Variants in SLC52A3 observed in about 807,000 individuals in gnomAD.
The protein encoded by SLC52A3 is solute carrier family 52 member 3.
SLC52A3 carries 20 observed loss-of-function variants against 29.5 expected under a neutral mutation model. That is an observed-to-expected ratio of 0.68 (90% CI 0.48 to 0.99). SLC52A3 has a LOEUF of 0.99. Among genes scored for constraint, SLC52A3 ranks in the 50% least tolerant of loss-of-function variants. SLC52A3 has a pLI of 0.00. For synonymous variants in SLC52A3, 301 were observed against 271.0 expected, an observed-to-expected ratio of 1.11 and a Z score of -1.09; for missense variants, 548 against 612.9, an observed-to-expected ratio of 0.89 and a Z score of 1.12.
intron 1 of SLC52A3, among the ~76,000 whole-genome samples, chr20:773,688 G>A (rs1250533337): frequency 6.6e-6 from 1 of 152,200 alleles, no homozygotes; most frequent in East Asian, 1.9e-4. Flanking sequence ...AGAAACCTAA[G>A]GCTTCGCATG....
upstream of SLC52A3, among the ~76,000 whole-genome samples, chr20:779,100 T>A (rs1987144781): frequency 6.6e-6 from 1 of 152,312 alleles, no homozygotes; most frequent in African/African-American, 2.4e-5. Flanking sequence ...TCTACAGACG[T>A]GAAGGAAGTT....
chr20:761,707 G>A lies in SLC52A3; in HGVS notation c.1191C>T (p.Val397=). The A allele has an allele frequency of 1.2e-6, 2 of 1,613,842 alleles. No homozygotes were observed. The highest frequency in any genetic ancestry group is 1.7e-6 in the Non-Finnish European group (2 of 1,179,970). ...CCACCGGCCGGATACTCACAATGAG[G>A]ACTTCCCCACCCCAGTGGCCCTGCA... ...PLLQGHWGGE[V]LIVASWVLFS... Residue 397 remains valine (V), a synonymous_variant, in exon 4 of 5, where the codon GTC becomes GTT. Coordinates refer to ENST00000645534, the MANE Select transcript of SLC52A3 (RefSeq NM_033409.4).
At chr20:773,092 G>A (rs1047086674), upstream of SLC52A3, among the ~76,000 whole-genome samples, 21 of 152,340 alleles carry the variant, frequency 1.4e-4, no homozygotes, top group African/African-American at 4.3e-4. Context: ...AGCTCCGTGA[G>A]TGGGCAGAAG....
chr20:777,292 G>T (rs1345018472), upstream of SLC52A3, among the ~76,000 whole-genome samples: 1 of 151,784 alleles, frequency 6.6e-6, no homozygotes, highest in Non-Finnish European at 1.5e-5. Context: ...ACACCAACTG[G>T]AAAGATATCT....
chr20:765,702 C>T lies in SLC52A3; in HGVS notation c.73G>A (p.Val25Ile), dbSNP rs757476310. 1 of 1,613,710 alleles carries T rather than the reference C, an allele frequency of 6.2e-7. No homozygotes were observed. Among genetic ancestry groups the T allele is most frequent in the South Asian group, 1.1e-5 (1 of 90,944 alleles). Residue 25 changes from valine (V) to isoleucine (I), a missense_variant, in exon 2 of 5, where the codon GTA (valine) becomes ATA (isoleucine). Physicochemically the swap from Val to Ile is conservative, Grantham distance 29 (BLOSUM62 3). Around this residue, in one of 2 missense-constraint regions of SLC52A3, gnomAD observed 375 missense variants for 471.1 expected, o/e 0.80. Coordinates refer to ENST00000645534, the MANE Select transcript of SLC52A3 (RefSeq NM_033409.4). The surrounding 1 kb of genome is among the most constrained non-coding windows in gnomAD (Gnocchi z 6.6). ...GSWVTINGLWVELPLLVMELP... is the reference protein window; with the variant it reads ...GSWVTINGLWIELPLLVMELP... ...TCCATCACCAGCAGGGGCAGCTCTA[C>T]CCAGAGCCCATTGATGGTCACCCAG...
In SLC52A3 at chr20:760,895, C is replaced by G. The variant is rs552270421; in HGVS notation, c.*131G>C. On this transcript the variant is annotated 3_prime_UTR_variant, in exon 5 of 5. Transcript: ENST00000645534. This position sits in a 1 kb window ranked among gnomAD's most constrained non-coding sequence, Gnocchi z 4.9. ...CCAGGTGCCATCTTCCCCACAGTCC[C>G]CAGTGGGCACTTGCGTTCATGATTC... The G allele has an allele frequency of 1.1e-6, 1 of 915,870 alleles. No individual in the cohort carries two copies. Among genetic ancestry groups the G allele is most frequent in the Non-Finnish European group, 1.7e-6 (1 of 599,444 alleles). The allele number at this position is 915,870 out of a possible 1,614,324, so 56.7% of individuals were successfully genotyped here. A position where few individuals can be genotyped will look rare whatever the true frequency, so the allele number is the denominator to read the frequency against.
At chr20:777,272 C>CAAAA (rs11438035), upstream of SLC52A3, among the ~76,000 whole-genome samples, 1 of 147,928 alleles carries the variant, frequency 6.8e-6, no homozygotes, top group African/African-American at 2.5e-5. Flanking sequence ...AAACAAAAAA[C>CAAAA]AAAAAAAAAA....
At chr20:778,446 ATCTGACCCT>A (rs1987128321), upstream of SLC52A3, among the ~76,000 whole-genome samples, 1 of 152,138 alleles carries the variant, frequency 6.6e-6, no homozygotes, top group Admixed American at 6.5e-5. Flanking sequence ...AACTTCAATC[ATCTGACCCT>A]TCTTTGAGTC....
upstream of SLC52A3, among the ~76,000 whole-genome samples, chr20:778,964 GAATAATCTT>G (rs1432285452): frequency 6.6e-6 from 1 of 152,082 alleles, no homozygotes; most frequent in Non-Finnish European, 1.5e-5. Context: ...AATCCAAACA[GAATAATCTT>G]TGCTTGTATA....
At chr20:761,495 A>G in intron 4 of SLC52A3, 1 of 769,398 alleles carries the variant, frequency 1.3e-6, no homozygotes, top group Non-Finnish European at 2.1e-6. Flanking sequence ...CTGCTGAGGT[A>G]CACATGGTGG....
chr20:771,118 G>A (rs769210910), upstream of SLC52A3, among the ~76,000 whole-genome samples: 1 of 152,158 alleles, frequency 6.6e-6, no homozygotes, highest in Non-Finnish European at 1.5e-5. Context: ...CTTATTTTAT[G>A]TACAACAAAA....
chr20:779,164 A>G (rs1987145863), upstream of SLC52A3, among the ~76,000 whole-genome samples: 1 of 152,212 alleles, frequency 6.6e-6, no homozygotes, highest in South Asian at 2.1e-4. Context: ...GAATTTATAT[A>G]AAAATAATCT....
At chr20:766,548 A>T (rs1050792023) in intron 1 of SLC52A3, among the ~76,000 whole-genome samples, 1 of 152,132 alleles carries the variant, frequency 6.6e-6, no homozygotes, top group Non-Finnish European at 1.5e-5. Flanking sequence ...ACCTTGTGAA[A>T]TTCCTTCTCC....
chr20:762,143 T>C (rs552760599), intron 3 of SLC52A3, among the ~76,000 whole-genome samples: 31 of 152,326 alleles, frequency 2.0e-4, no homozygotes, highest in Middle Eastern at 3.4e-3. Context: ...ATCGGAGTTT[T>C]GCAAGGCTGC....
chr20:770,619 T>G (rs1198450194), upstream of SLC52A3, among the ~76,000 whole-genome samples: 1 of 152,230 alleles, frequency 6.6e-6, no homozygotes, highest in Non-Finnish European at 1.5e-5. This position sits in a 1 kb window ranked among gnomAD's most constrained non-coding sequence, Gnocchi z 4.5. Context: ...ACATCACACA[T>G]AGGAATGCTA....
In SLC52A3 at chr20:760,275, G is replaced by T. The variant is rs2295431; in HGVS notation, c.*751C>A. The T allele has an allele frequency of 0.89, 136,117 of 152,218 alleles. 60,903 individuals are homozygous for T. Among genetic ancestry groups the T allele is most frequent in the South Asian group, 0.97 (4,666 of 4,820 alleles). 9.4% of individuals were successfully genotyped at this position (152,218 alleles called of 1,614,324 possible). On this transcript the variant is annotated 3_prime_UTR_variant, in exon 5 of 5. Coordinates refer to ENST00000645534, the MANE Select transcript of SLC52A3 (RefSeq NM_033409.4). This position sits in a 1 kb window ranked among gnomAD's most constrained non-coding sequence, Gnocchi z 4.9. Reference sequence around the variant, plus strand: ...GCCCCACCAGCAAATCATCTCTCCCGGCTTCCAGGAGGGTACTTACTCTCC... The same window carrying T: ...GCCCCACCAGCAAATCATCTCTCCCTGCTTCCAGGAGGGTACTTACTCTCC...
upstream of SLC52A3, among the ~76,000 whole-genome samples, chr20:777,290 T>C (rs1987082122): frequency 6.6e-6 from 1 of 150,434 alleles, no homozygotes; most frequent in South Asian, 2.1e-4. Context: ...AAACACCAAC[T>C]GGAAAGATAT....
In SLC52A3 at chr20:774,891, C is replaced by T. The variant is rs572961936; in HGVS notation, c.-238+1064G>A. ...GGCAGACATTCAGGCCTGTGCTCAC[C>T]GGCTGTGCAACCTCAGGTCAGCTGC... On this transcript the variant is annotated intron_variant, in intron 1 of 5. Coordinates refer to the SLC52A3 transcript ENST00000217254. 8.8e-4 allele frequency among the ~76,000 whole-genome samples: 134 copies of T among 152,368 alleles called. 1 individual carries two copies. The highest frequency in any genetic ancestry group is 7.5e-3 in the South Asian group (36 of 4,826).
In SLC52A3 at chr20:763,731, G is replaced by A; in HGVS notation, c.840C>T (p.Asp280=). The change falls in exon 3 of 5, where the codon GAC becomes GAT. Residue 280 remains aspartate, a synonymous_variant. Coordinates refer to ENST00000645534, the MANE Select transcript of SLC52A3 (RefSeq NM_033409.4). ...CTAGATACCCCTGGCCCTGGCTGCT[G>A]TCCACCGTGCCTGCAGGGCCCAAGT... ...ENDLGPAGTV[D]SSQGQGYLEE... 1 of 1,614,160 alleles carries A rather than the reference G, an allele frequency of 6.2e-7. No individual in the cohort carries two copies. Among genetic ancestry groups the A allele is most frequent in the Non-Finnish European group, 8.5e-7 (1 of 1,179,996 alleles).
Sources: allele counts gnomAD v4.1 joint callset (sites outside exome capture counted in the v4.1 genomes callset), GRCh38; gene constraint gnomAD v4.1.1; regional missense constraint gnomAD v4.1.1; non-coding constraint Gnocchi (gnomAD v3.1); transcripts MANE v1.5; gene names NCBI Gene and HGNC (gene_info 2026-07-23, HGNC 2026-07-21).